The following FBXO22 variants were observed in gnomAD, a reference collection of about 807,000 sequenced individuals.
FBXO22 encodes F-box only protein 22.
A neutral mutation model predicts 37.2 loss-of-function variants in FBXO22; 13 were observed. That is an observed-to-expected ratio of 0.35 (90% CI 0.23 to 0.56). The LOEUF is 0.56. Among genes scored for constraint, FBXO22 ranks in the 20% least tolerant of loss-of-function variants. The pLI is 0.87. For missense variants in FBXO22, 446 were observed against 509.9 expected (o/e 0.87, Z 1.21); for synonymous variants, 189 against 189.1 (o/e 1.00, Z 0.00).
intron 5 of FBXO22, among the ~76,000 whole-genome samples, chr15:75,929,259 G>C (rs2029920605): frequency 6.6e-6 from 1 of 150,622 alleles, no homozygotes; most frequent in African/African-American, 2.4e-5. Context: ...GGATAGACCA[G>C]ATGATTTAAT....
At chr15:75,925,462 A>AG (rs1255057697) in intron 5 of FBXO22, among the ~76,000 whole-genome samples, 1 of 150,956 alleles carries the variant, frequency 6.6e-6, no homozygotes, top group South Asian at 2.1e-4. Flanking sequence ...GAGGGGTAAA[A>AG]TAGAACTTTA....
intron 2 of FBXO22, chr15:75,905,469 G>A (rs906228504): frequency 2.0e-5 from 3 of 152,246 alleles, no homozygotes; most frequent in African/African-American, 7.2e-5. Context: ...CCAACCTGCT[G>A]CTCTGTCACT....
rs573953116 is a variant in FBXO22 at position 75,919,377 on chromosome 15, C to T, written c.628+1983C>T. Among the ~76,000 whole-genome samples the T allele has an allele frequency of 7.2e-5, 11 of 152,202 alleles. No individual in the cohort carries two copies. The South Asian group carries it at 1.7e-3, about 23-fold the overall frequency. ...CATATGTGAATTAGACTTAGCCCTT[C>T]CACAATGTATATATACTTCAAAACA... On this transcript the variant is annotated intron_variant, in intron 5 of 6. Transcript: ENST00000308275.
chr15:75,906,629 C>T (rs1899935663), intron 2 of FBXO22, among the ~76,000 whole-genome samples: 1 of 152,068 alleles, frequency 6.6e-6, no homozygotes, highest in Non-Finnish European at 1.5e-5. Flanking sequence ...TCTTCTGTTT[C>T]CCCCTTCCTT....
rs2030819312 is a variant in FBXO22, at chr15:75,940,357, C to T, written c.*7255C>T. ...ATAAAGATAAAAATAAACGGAAATA[C>T]ATCTCATGTTCATGGATTGGAAAAT... On this transcript the variant is annotated 3_prime_UTR_variant, in exon 7 of 7. Coordinates refer to ENST00000308275, the MANE Select transcript of FBXO22 (RefSeq NM_147188.3). 6.6e-6 allele frequency: 1 copy of T among 151,920 alleles called. No individual in the cohort carries two copies. Among genetic ancestry groups the T allele is most frequent in the Admixed American group, 6.6e-5 (1 of 15,252 alleles). The allele number at this position is 151,920 out of a possible 1,614,324, so 9.4% of individuals were successfully genotyped here. A position where few individuals can be genotyped will look rare whatever the true frequency, so the allele number is the denominator to read the frequency against.
chr15:75,934,423 T>TTA lies in FBXO22; in HGVS notation c.*1321_*1322insTA. 1 of 152,252 alleles carries TTA rather than the reference T, an allele frequency of 6.6e-6. No individual in the cohort carries two copies. Among genetic ancestry groups the TTA allele is most frequent in the African/African-American group, 2.4e-5 (1 of 41,476 alleles). The allele number at this position is 152,252 out of a possible 1,614,324, so 9.4% of individuals were successfully genotyped here. On this transcript the variant is annotated 3_prime_UTR_variant, in exon 7 of 7. Transcript: ENST00000308275. ...ATCTAATACAGTATGATGTAACTAATGTTACTTTTGTAACAGTCAGTGGTT... is the reference window on the plus strand; with the variant it reads ...ATCTAATACAGTATGATGTAACTAATTAGTTACTTTTGTAACAGTCAGTGGTT...
rs1420739889 is a variant in FBXO22, at chr15:75,941,954, A to AC, written c.*8852_*8853insC. On this transcript the variant is annotated 3_prime_UTR_variant, in exon 7 of 7. Coordinates refer to ENST00000308275, the MANE Select transcript of FBXO22 (RefSeq NM_147188.3). ...TTTTAAACCACCAAAAAAAAAAAAA[A>AC]AAAAAAATATGGCCTAGCTTTTTTT... 2.4e-5 allele frequency: 3 copies of AC among 124,128 alleles called. No individual in the cohort carries two copies. Among genetic ancestry groups the AC allele is most frequent in the Non-Finnish European group, 3.3e-5 (2 of 59,728 alleles). 7.7% of individuals were successfully genotyped at this position (124,128 alleles called of 1,614,324 possible).
At chr15:75,928,704 C>G (rs377008334) in intron 5 of FBXO22, among the ~76,000 whole-genome samples, 1 of 151,882 alleles carries the variant, frequency 6.6e-6, no homozygotes, top group African/African-American at 2.4e-5. Flanking sequence ...GCCTGTGGAA[C>G]AAACCTGAAC....
At chr15:75,915,116 C>T (rs1481102300) in intron 4 of FBXO22, among the ~76,000 whole-genome samples, 3 of 151,860 alleles carry the variant, frequency 2.0e-5, no homozygotes, top group Non-Finnish European at 4.4e-5. Context: ...CACAGGCGCC[C>T]GCCACCACCA....
intron 5 of FBXO22, among the ~76,000 whole-genome samples, chr15:75,927,610 T>C (rs1900471548): frequency 6.6e-6 from 1 of 152,324 alleles, no homozygotes; most frequent in East Asian, 1.9e-4. Context: ...AGAAAATATA[T>C]TCTCTTAAAA....
chr15:75,926,320 A>C (rs1024715822), intron 5 of FBXO22, among the ~76,000 whole-genome samples: 1 of 152,096 alleles, frequency 6.6e-6, no homozygotes, highest in Non-Finnish European at 1.5e-5. Context: ...TAGGCCTTTG[A>C]ATTTTGAGTG....
At position 75,935,677 on chromosome 15, in the gene FBXO22, AC is replaced by A. The variant is rs2030267920; in HGVS notation, c.*2578del. 1 of 151,250 alleles carries A rather than the reference AC, an allele frequency of 6.6e-6. No individual in the cohort carries two copies. Among genetic ancestry groups the A allele is most frequent in the Admixed American group, 6.6e-5 (1 of 15,146 alleles). 9.4% of individuals were successfully genotyped at this position (151,250 alleles called of 1,614,324 possible). A position where few individuals can be genotyped will look rare whatever the true frequency, so the allele number is the denominator to read the frequency against. On this transcript the variant is annotated 3_prime_UTR_variant, in exon 7 of 7. Transcript: ENST00000308275. ...TCAGTTTTGCTTAAAGCAAACCCTA[AC>A]CCTCAACCTACGAGGCCAGATAGCA...
At chr15:75,908,913 A>G (rs335705) in intron 2 of FBXO22, among the ~76,000 whole-genome samples, 2,269 of 152,338 alleles carry the variant, frequency 0.015, 53 homozygotes, top group African/African-American at 0.051. Flanking sequence ...ACAGGCCATC[A>G]TGCTATCTGT....
intron 5 of FBXO22, 68 bp downstream of exon 5, chr15:75,917,462 G>T: frequency 8.4e-7 from 1 of 1,184,982 alleles, no homozygotes; most frequent in Non-Finnish European, 1.2e-6. Flanking sequence ...TTTAATTCTG[G>T]CTAGTTGGTG....
intron 5 of FBXO22, among the ~76,000 whole-genome samples, chr15:75,927,352 T>C (rs1195771594): frequency 3.3e-5 from 5 of 152,114 alleles, no homozygotes; most frequent in Non-Finnish European, 7.4e-5. Flanking sequence ...GGTAGGATGT[T>C]TAGTGGATGT....
At chr15:75,926,604 G>A (rs117091386) in intron 5 of FBXO22, among the ~76,000 whole-genome samples, 2,802 of 152,294 alleles carry the variant, frequency 0.018, 44 homozygotes, top group Middle Eastern at 0.058. Flanking sequence ...TGACTGAGGC[G>A]AGAATCTCCA....
chr15:75,904,304 C>A, intron 1 of FBXO22, 187 bp from the exon 2 acceptor site: 1 of 1,093,808 alleles, frequency 9.1e-7, no homozygotes, highest in Non-Finnish European at 1.3e-6. Context: ...GGCGAAGTTC[C>A]CCTTAAGGTT....
Position 75,929,882 on chromosome 15 carries a change from A to G in FBXO22, c.629-2A>G. ...TAACTGTTGCTCTTCATTTCTCTGC[A>G]GGTCTTTTAGATAACCCTGAACTTC... is the stretch of plus-strand genomic sequence containing the variant. On this transcript the variant is annotated splice_acceptor_variant, in intron 5 of 6. Coordinates refer to ENST00000308275, the MANE Select transcript of FBXO22 (RefSeq NM_147188.3). LOFTEE classifies it high-confidence loss of function. 1 of 1,613,980 alleles carries G rather than the reference A, an allele frequency of 6.2e-7. No individual in the cohort carries two copies. Among genetic ancestry groups the G allele is most frequent in the Non-Finnish European group, 8.5e-7 (1 of 1,179,888 alleles).
At chr15:75,907,049 TGTTTTTAAAAAGTTTTCTATG>T (rs772069049) in intron 2 of FBXO22, among the ~76,000 whole-genome samples, 40 of 152,206 alleles carry the variant, frequency 2.6e-4, no homozygotes, top group Non-Finnish European at 5.1e-4. Flanking sequence ...TTCCATTTAC[TGTTTTTAAAAAGTTTTCTATG>T]GTTTTTAAAA....
Sources: allele counts gnomAD v4.1 joint callset (sites outside exome capture counted in the v4.1 genomes callset), GRCh38; gene constraint gnomAD v4.1.1; transcripts MANE v1.5; gene names NCBI Gene and HGNC (gene_info 2026-07-23, HGNC 2026-07-21).